MAGOHB: variants seen among roughly 807,000 people sequenced by gnomAD.
MAGOHB encodes the protein mago homolog B, exon junction complex subunit, also known as protein mago nashi homolog 2.
Under a neutral mutation model 20.9 loss-of-function variants are expected in MAGOHB, and 15 were observed. The ratio of observed to expected loss-of-function variants is 0.72; its 90% confidence interval spans 0.48 to 1.11. The LOEUF is 1.11. MAGOHB is among the 50% of genes least tolerant of loss of function. The probability of loss-of-function intolerance (pLI) is 0.00; values close to 1 mark genes in which losing one functional copy is unlikely to be tolerated. For synonymous variants in MAGOHB, 50 were observed against 57.9 expected (o/e 0.86, Z 0.62); for missense variants, 162 against 177.6 (o/e 0.91, Z 0.50).
downstream of MAGOHB, among the ~76,000 whole-genome samples, chr12:10,600,781 T>C (rs546797273): frequency 1.1e-4 from 17 of 152,330 alleles, no homozygotes; most frequent in East Asian, 3.3e-3. Context: ...TTCAATCTTC[T>C]GATTACAGTT....
rs1352642361 is a variant in MAGOHB, at chr12:10,605,590, A to G, written c.*685T>C. The G allele has an allele frequency of 6.6e-6, 1 of 152,202 alleles. No individual in the cohort carries two copies. The highest frequency in any genetic ancestry group is 1.9e-4 in the East Asian group (1 of 5,196). 9.4% of individuals were successfully genotyped at this position (152,202 alleles called of 1,614,324 possible). A position where few individuals can be genotyped will look rare whatever the true frequency, so the allele number is the denominator to read the frequency against. ...ATATATGTTTGTCTAAATGTTTAAC[A>G]ATTTATAAAGCTGAAAACTCATTTA... On this transcript the variant is annotated 3_prime_UTR_variant, in exon 5 of 5. Coordinates refer to ENST00000320756, the MANE Select transcript of MAGOHB (RefSeq NM_018048.5).
intron 2 of MAGOHB, 92 bp from the exon 3 acceptor site, chr12:10,610,033 T>C (rs1865695640): frequency 4.8e-6 from 3 of 621,036 alleles, no homozygotes; most frequent in South Asian, 4.8e-5. Flanking sequence ...AATATCCAAA[T>C]AGAGGAATAT....
At chr12:10,607,737 CT>C in intron 4 of MAGOHB, 116 bp downstream of exon 4, 1 of 638,656 alleles carries the variant, frequency 1.6e-6, no homozygotes, top group African/African-American at 1.9e-5. Context: ...AGGATTACAT[CT>C]GCATAATAAA....
intron 3 of MAGOHB, 191 bp downstream of exon 3, chr12:10,609,640 T>C (rs1009186221): frequency 3.5e-6 from 2 of 571,890 alleles, no homozygotes; most frequent in Non-Finnish European, 6.2e-6. Flanking sequence ...AGCTATGCAC[T>C]GACTCCTTCA....
chr12:10,611,576 G>A (rs930937082), intron 1 of MAGOHB, among the ~76,000 whole-genome samples: 20 of 151,046 alleles, frequency 1.3e-4, no homozygotes, highest in African/African-American at 4.4e-4. Flanking sequence ...GAGAAACCCC[G>A]TCTCTACTAA....
intron 1 of MAGOHB, among the ~76,000 whole-genome samples, chr12:10,611,371 T>C (rs965388002): frequency 1.3e-5 from 2 of 152,168 alleles, no homozygotes; most frequent in Non-Finnish European, 2.9e-5. Flanking sequence ...ATCTGATGTA[T>C]GCTTCCCCTT....
downstream of MAGOHB, among the ~76,000 whole-genome samples, chr12:10,599,851 A>G (rs541839890): frequency 6.6e-6 from 1 of 152,316 alleles, no homozygotes; most frequent in South Asian, 2.1e-4. Flanking sequence ...AAAATTTTGT[A>G]CACATCTTTG....
intron 1 of MAGOHB, among the ~76,000 whole-genome samples, chr12:10,611,610 T>C (rs1349926475): frequency 6.6e-6 from 1 of 151,442 alleles, no homozygotes; most frequent in African/African-American, 2.4e-5. Context: ...TAGCCAGGCA[T>C]GGTGGCCCAT....
Position 10,606,179 on chromosome 12 carries a change from G to C in MAGOHB, c.*96C>G. On this transcript the variant is annotated 3_prime_UTR_variant, in exon 5 of 5. Transcript: ENST00000320756. ...TTCAGTTTACATACAAATTTTTTTT[G>C]TTTGCTTCACATTCATAAAAACCCC... The C allele has an allele frequency of 1.6e-6, 1 of 638,186 alleles. No individual in the cohort carries two copies. Among genetic ancestry groups the C allele is most frequent in the Non-Finnish European group, 2.6e-6 (1 of 385,654 alleles). 39.5% of individuals were successfully genotyped at this position (638,186 alleles called of 1,614,324 possible).
chr12:10,607,958 T>C lies in MAGOHB; in HGVS notation c.265-22A>G, dbSNP rs754400129. 5.0e-6 allele frequency: 7 copies of C among 1,393,426 alleles called. No homozygotes were observed. The South Asian group carries it at 8.7e-5, about 17-fold the overall frequency. The allele number at this position is 1,393,426 out of a possible 1,614,324, so 86.3% of individuals were successfully genotyped here. ...GCTCCTAAAAAATATAGCAGAAAAA[T>C]GTAGTTAATATAAAAATCTATCCCA... On this transcript the variant is annotated intron_variant, in intron 3 of 4. Coordinates refer to ENST00000320756, the MANE Select transcript of MAGOHB (RefSeq NM_018048.5).
downstream of MAGOHB, among the ~76,000 whole-genome samples, chr12:10,601,397 C>A (rs1447986535): frequency 6.6e-6 from 1 of 152,210 alleles, no homozygotes; most frequent in Non-Finnish European, 1.5e-5. Context: ...TCTGGCCTGA[C>A]TGAAGACAGA....
intron 3 of MAGOHB, chr12:10,608,717 A>C (rs1865673920): frequency 1.3e-5 from 2 of 152,166 alleles, no homozygotes; most frequent in Admixed American, 1.3e-4. Context: ...AAAAAGCTAT[A>C]TCTGTAATGA....
At chr12:10,607,489 A>G (rs921143708) in intron 4 of MAGOHB, among the ~76,000 whole-genome samples, 1 of 152,134 alleles carries the variant, frequency 6.6e-6, no homozygotes, top group Non-Finnish European at 1.5e-5. Flanking sequence ...TTTCCCAAGT[A>G]TTGAGCCCAA....
chr12:10,612,945 C>T, intron 1 of MAGOHB: 4 of 1,289,100 alleles, frequency 3.1e-6, no homozygotes, highest in South Asian at 1.2e-5. Context: ...TGGAACTTTA[C>T]CTCTCCCCTC....
chr12:10,605,716 C>T lies in MAGOHB; in HGVS notation c.*559G>A, dbSNP rs1865615921. On this transcript the variant is annotated 3_prime_UTR_variant, in exon 5 of 5. Coordinates refer to ENST00000320756, the MANE Select transcript of MAGOHB (RefSeq NM_018048.5). ...TGGGGTAGACTGTACTCTTGTAACA[C>T]TTTAGGACCTCACTGCTTATAACTG... is the stretch of plus-strand genomic sequence containing the variant. The T allele has an allele frequency of 6.6e-6, 1 of 152,100 alleles. No individual in the cohort carries two copies. Among genetic ancestry groups the T allele is most frequent in the Non-Finnish European group, 1.5e-5 (1 of 68,064 alleles). 9.4% of individuals were successfully genotyped at this position (152,100 alleles called of 1,614,324 possible). A position where few individuals can be genotyped will look rare whatever the true frequency, so the allele number is the denominator to read the frequency against.
intron 3 of MAGOHB, 122 bp from the exon 4 acceptor site, chr12:10,608,058 G>T (rs958612427): frequency 3.4e-6 from 2 of 585,350 alleles, no homozygotes; most frequent in Non-Finnish European, 5.9e-6. Context: ...AGAGGGAGTG[G>T]GGGGCGAGGG....
chr12:10,608,441 C>T (rs7308433), intron 3 of MAGOHB: 114,433 of 151,982 alleles, frequency 0.75, 43,888 homozygotes, highest in East Asian at 0.99. Context: ...AATAACCTTA[C>T]TAACCTATTT....
Position 10,606,334 on chromosome 12 carries a change from C to G in MAGOHB, c.388G>C (p.Asp130His). The G allele has an allele frequency of 6.3e-7, 1 of 1,582,226 alleles. No individual in the cohort carries two copies. Among genetic ancestry groups the G allele is most frequent in the Non-Finnish European group, 8.6e-7 (1 of 1,162,624 alleles). Residue 130 changes from aspartate to histidine, a missense_variant, in exon 5 of 5, where the codon GAC (aspartate) becomes CAC (histidine). Asp to His is a moderately conservative substitution (Grantham distance 81). Coordinates refer to ENST00000320756, the MANE Select transcript of MAGOHB (RefSeq NM_018048.5). ...AGACTGAAAACTAAACATTTCAAGTCTTGTACCAAATAGTAAAATACTCGA... is the reference window on the plus strand; with the variant it reads ...AGACTGAAAACTAAACATTTCAAGTGTTGTACCAAATAGTAAAATACTCGA... ...GLRVFYYLVQ[D>H]LKCLVFSLIG...
chr12:10,611,905 T>A (rs1865750019), intron 1 of MAGOHB, among the ~76,000 whole-genome samples: 2 of 152,052 alleles, frequency 1.3e-5, no homozygotes, highest in Non-Finnish European at 2.9e-5. Flanking sequence ...GGTACTTAAT[T>A]CATGTGACCT....
Sources: gnomAD v4.1 joint callset for allele counts (sites outside exome capture counted in the v4.1 genomes callset) on GRCh38, gnomAD v4.1.1 for gene constraint, MANE v1.5 for transcripts, NCBI Gene and HGNC (gene_info 2026-07-23, HGNC 2026-07-21) for gene names.